The following PXDNL variants were observed in gnomAD, a reference collection of about 807,000 sequenced individuals.
The protein encoded by PXDNL is peroxidasin like.
A neutral mutation model predicts 150.8 loss-of-function variants in PXDNL; 145 were observed. The ratio of observed to expected loss-of-function variants is 0.96; its 90% CI spans 0.84 to 1.10. PXDNL has a LOEUF of 1.10. Ranked by LOEUF, PXDNL falls within the 50% of genes least tolerant of loss-of-function variation. The pLI is 0.00. For synonymous variants in PXDNL, 757 were observed against 725.7 expected (o/e 1.04, Z -0.69); for missense variants, 2,087 against 1,873.9 (o/e 1.11, Z -2.10).
chr8:51,727,082 C>T (rs922459627), intron 1 of PXDNL, among the ~76,000 whole-genome samples: 2 of 152,060 alleles, frequency 1.3e-5, no homozygotes, highest in East Asian at 1.9e-4. Context: ...AAGATGACAC[C>T]AATATAATAC....
intron 1 of PXDNL, among the ~76,000 whole-genome samples, chr8:51,692,895 AACACAAAAATT>A (rs1390070348): frequency 6.6e-6 from 1 of 152,336 alleles, no homozygotes; most frequent in East Asian, 1.9e-4. Context: ...TCCAAATTGA[AACACAAAAATT>A]ACACAAAATA....
intron 19 of PXDNL, among the ~76,000 whole-genome samples, chr8:51,362,251 T>C (rs1191607035): frequency 6.6e-6 from 1 of 152,204 alleles, no homozygotes; most frequent in African/African-American, 2.4e-5. Flanking sequence ...CTCACAGCAA[T>C]CCATGCTGAA....
At chr8:51,640,187 A>G (rs1814714960) in intron 2 of PXDNL, among the ~76,000 whole-genome samples, 1 of 152,214 alleles carries the variant, frequency 6.6e-6, no homozygotes, top group African/African-American at 2.4e-5. Context: ...AAAATTAGGT[A>G]TTGATGGGAC....
At chr8:51,426,594 G>C in intron 13 of PXDNL, 52 bp downstream of exon 13, 1 of 1,021,898 alleles carries the variant, frequency 9.8e-7, no homozygotes, top group East Asian at 2.6e-5. Flanking sequence ...TCAGTGGGTC[G>C]ATACATCTGT....
intron 7 of PXDNL, among the ~76,000 whole-genome samples, 180 bp from the exon 8 acceptor site, chr8:51,472,484 C>A (rs1299298580): frequency 6.6e-6 from 1 of 152,134 alleles, no homozygotes; most frequent in Non-Finnish European, 1.5e-5. Flanking sequence ...TTGACTTATA[C>A]TTTAGAAGTT....
chr8:51,590,246 C>T (rs1813413937), intron 3 of PXDNL, among the ~76,000 whole-genome samples: 1 of 152,028 alleles, frequency 6.6e-6, no homozygotes, highest in South Asian at 2.1e-4. Context: ...AGTAGGGCTC[C>T]CTTCACCTAG....
At chr8:51,504,800 G>T (rs1165880635) in intron 4 of PXDNL, among the ~76,000 whole-genome samples, 1 of 152,216 alleles carries the variant, frequency 6.6e-6, no homozygotes, top group Non-Finnish European at 1.5e-5. Flanking sequence ...CATGAGCATT[G>T]TCTTTGCAAA....
intron 2 of PXDNL, among the ~76,000 whole-genome samples, chr8:51,647,326 G>A (rs568276954): frequency 2.6e-5 from 4 of 151,934 alleles, no homozygotes; most frequent in East Asian, 3.9e-4. Flanking sequence ...TCAAAATACC[G>A]ACACATGACA....
chr8:51,509,835 G>T (rs947689746), intron 4 of PXDNL, among the ~76,000 whole-genome samples: 4 of 148,934 alleles, frequency 2.7e-5, no homozygotes, highest in Non-Finnish European at 4.5e-5. Context: ...TGTATATACC[G>T]ATTTAAATAT....
At chr8:51,469,059 T>C (rs1810266083) in intron 8 of PXDNL, among the ~76,000 whole-genome samples, 2 of 152,046 alleles carry the variant, frequency 1.3e-5, no homozygotes, top group South Asian at 4.1e-4. Context: ...CAAATACTCC[T>C]GAATAAAGCT....
In PXDNL at chr8:51,453,784, G is replaced by T. The variant is rs2129973231; in HGVS notation, c.984C>A (p.Ala328=). The change falls in exon 10 of 23, where the codon GCC becomes GCA. Residue 328 remains alanine (A), a splice_region_variant and synonymous_variant. Transcript: ENST00000356297. The part of the protein sequence containing the change: ...SAMLRYSSLP[A]KPSFVIQPQD... ...GAGGCTGGATTACAAAGCTTGGTTT[G>T]GCTGATGGTAAAGGGGGAACAAAAC... 1 of 1,613,598 alleles carries T rather than the reference G, an allele frequency of 6.2e-7. No individual in the cohort carries two copies. Among genetic ancestry groups the T allele is most frequent in the South Asian group, 1.1e-5 (1 of 91,062 alleles).
intron 1 of PXDNL, among the ~76,000 whole-genome samples, chr8:51,744,494 C>T (rs1217891789): frequency 1.4e-5 from 2 of 145,474 alleles, no homozygotes; most frequent in Non-Finnish European, 3.0e-5. Flanking sequence ...GGTGAAACCC[C>T]ATCTCTACTA....
chr8:51,582,135 G>A (rs1448362126), intron 3 of PXDNL, among the ~76,000 whole-genome samples: 3 of 152,140 alleles, frequency 2.0e-5, no homozygotes, highest in African/African-American at 7.2e-5. Flanking sequence ...TCAAATGTGA[G>A]TATATTTGGA....
intron 4 of PXDNL, among the ~76,000 whole-genome samples, chr8:51,533,934 G>C (rs1429706333): frequency 6.6e-6 from 1 of 151,176 alleles, no homozygotes; most frequent in Non-Finnish European, 1.5e-5. Flanking sequence ...GAGCGTCTCT[G>C]CCTGGCCCCC....
At chr8:51,793,676 G>T (rs893167410) in intron 1 of PXDNL, among the ~76,000 whole-genome samples, 1 of 152,116 alleles carries the variant, frequency 6.6e-6, no homozygotes, top group East Asian at 1.9e-4. Flanking sequence ...ATCACTAGAG[G>T]TCAGGAGTTC....
intron 2 of PXDNL, among the ~76,000 whole-genome samples, chr8:51,612,731 C>T (rs1406144695): frequency 6.6e-6 from 1 of 152,174 alleles, no homozygotes; most frequent in Admixed American, 6.5e-5. Flanking sequence ...CTGGAAGAGC[C>T]CTCGCCAGCC....
chr8:51,717,980 G>C (rs1306742318), intron 1 of PXDNL, among the ~76,000 whole-genome samples: 1 of 152,126 alleles, frequency 6.6e-6, no homozygotes, highest in Non-Finnish European at 1.5e-5. Flanking sequence ...TTAAACTGTT[G>C]TCCTTTGAGC....
intron 1 of PXDNL, among the ~76,000 whole-genome samples, chr8:51,746,887 A>G (rs900106050): frequency 5.3e-5 from 8 of 151,966 alleles, no homozygotes; most frequent in African/African-American, 1.9e-4. Flanking sequence ...ACACCCAGTT[A>G]ACTTTTGTAT....
chr8:51,452,968 A>G (rs925401914), intron 10 of PXDNL, among the ~76,000 whole-genome samples: 2 of 152,170 alleles, frequency 1.3e-5, no homozygotes, highest in African/African-American at 2.4e-5. Flanking sequence ...GCACGCACAC[A>G]CACCAGAAAG....
Sources: gnomAD v4.1 joint callset for allele counts (sites outside exome capture counted in the v4.1 genomes callset) on GRCh38, gnomAD v4.1.1 for gene constraint, MANE v1.5 for transcripts, NCBI Gene and HGNC (gene_info 2026-07-23, HGNC 2026-07-21) for gene names.